Variants in TRIM37 observed in about 807,000 individuals in gnomAD.
The protein encoded by TRIM37 is tripartite motif containing 37.
Under a neutral mutation model 129.8 loss-of-function variants are expected in TRIM37, and 80 were observed. That is an observed-to-expected ratio of 0.62 (90% CI 0.51 to 0.74). TRIM37 has a LOEUF of 0.74. TRIM37 is among the 30% of genes least tolerant of loss of function. TRIM37 has a pLI of 0.00. For missense variants in TRIM37, 1,054 were observed against 1,176.5 expected, an observed-to-expected ratio of 0.90 and a Z score of 1.52; for synonymous variants, 389 against 387.1, an observed-to-expected ratio of 1.00 and a Z score of -0.06.
downstream of TRIM37, among the ~76,000 whole-genome samples, chr17:58,996,091 G>T (rs1386262608): frequency 6.6e-6 from 1 of 152,008 alleles, no homozygotes; most frequent in East Asian, 1.9e-4. Flanking sequence ...TTACAAAGGG[G>T]GAAAACGTAA....
chr17:59,031,138 G>A (rs964422348), intron 18 of TRIM37, among the ~76,000 whole-genome samples: 1 of 152,146 alleles, frequency 6.6e-6, no homozygotes, highest in African/African-American at 2.4e-5. Flanking sequence ...CAGAGGTTCT[G>A]CCTTGGACTT....
intron 16 of TRIM37, among the ~76,000 whole-genome samples, chr17:59,044,286 G>A (rs913852284): frequency 6.6e-6 from 1 of 152,140 alleles, no homozygotes; most frequent in Non-Finnish European, 1.5e-5. Flanking sequence ...CTCCAGCTTG[G>A]GTGACAGGGC....
chr17:59,001,521 CAG>C, intron 23 of TRIM37, 75 bp downstream of exon 23: 1 of 1,572,838 alleles, frequency 6.4e-7, no homozygotes, highest in Non-Finnish European at 8.7e-7. Flanking sequence ...GTAGAAGTAG[CAG>C]CAGCAGAAGA....
intron 5 of TRIM37, among the ~76,000 whole-genome samples, chr17:59,081,964 A>AAAAAAAAAAATAAT (rs1568200247): frequency 1.1e-5 from 1 of 87,224 alleles, no homozygotes; most frequent in African/African-American, 5.1e-5. Context: ...AAAAAAAAAA[A>AAAAAAAAAAATAAT]AATAATAATA....
At chr17:59,105,060 C>G (rs879696559) in intron 1 of TRIM37, among the ~76,000 whole-genome samples, 2 of 141,426 alleles carry the variant, frequency 1.4e-5, no homozygotes, top group Non-Finnish European at 3.0e-5. Flanking sequence ...CCACTGCACT[C>G]TAGCCTGGGT....
In TRIM37 at chr17:59,031,955, C is replaced by G; in HGVS notation, c.1889G>C (p.Ser630Thr). ...IHLLDLKDRS[S>T]IENLWGLQPR... ...CTGTAAGCCCCACAAATTTTCTATA[C>G]TGCTCCGGTCCTTAAGGTCCAACAA... The change falls in exon 18 of 24, where the codon AGT becomes ACT. Residue 630 changes from serine (S) to threonine (T), a missense_variant. This residue lies in a region of TRIM37 where 752 missense variants were observed against 870.8 expected (regional missense o/e 0.86). Coordinates refer to ENST00000262294, the MANE Select transcript of TRIM37 (RefSeq NM_015294.6). 1 of 1,614,160 alleles carries G rather than the reference C, an allele frequency of 6.2e-7. No individual in the cohort carries two copies. Among genetic ancestry groups the G allele is most frequent in the East Asian group, 2.2e-5 (1 of 44,894 alleles).
chr17:59,071,085 A>G, intron 8 of TRIM37, 138 bp from the exon 9 acceptor site: 1 of 970,950 alleles, frequency 1.0e-6, no homozygotes, highest in South Asian at 1.7e-5. Context: ...TTGAGAATTA[A>G]GAATGTACAA....
chr17:59,099,960 G>C (rs2045307993), intron 2 of TRIM37, among the ~76,000 whole-genome samples: 1 of 152,028 alleles, frequency 6.6e-6, no homozygotes, highest in African/African-American at 2.4e-5. Flanking sequence ...TGTACCACCA[G>C]GCCTGGCTAA....
chr17:59,043,883 A>G (rs780424455), intron 16 of TRIM37, among the ~76,000 whole-genome samples: 3 of 152,242 alleles, frequency 2.0e-5, no homozygotes, highest in African/African-American at 4.8e-5. Context: ...GGGGAGAAGC[A>G]GAGACACATA....
At chr17:59,104,923 C>T (rs1300168128) in intron 1 of TRIM37, among the ~76,000 whole-genome samples, 5 of 152,026 alleles carry the variant, frequency 3.3e-5, no homozygotes, top group South Asian at 4.2e-4. Context: ...TAAACCCCGT[C>T]TCTACTAAAA....
intron 21 of TRIM37, among the ~76,000 whole-genome samples, chr17:59,014,757 T>C (rs2035696842): frequency 6.9e-6 from 1 of 145,036 alleles, no homozygotes. Flanking sequence ...CGCCAACACA[T>C]ACAAATTTAC....
chr17:58,996,195 G>A (rs530651901), downstream of TRIM37, among the ~76,000 whole-genome samples: 36 of 152,120 alleles, frequency 2.4e-4, no homozygotes, highest in Non-Finnish European at 3.7e-4. Context: ...AGGGCTGGGC[G>A]GGCACAGTGG....
the TRIM37 span, among the ~76,000 whole-genome samples, chr17:58,970,964 GTGTTGT>G: frequency 1.3e-5 from 2 of 151,688 alleles, no homozygotes; most frequent in African/African-American, 4.8e-5. Flanking sequence ...TCAAAATTAT[GTGTTGT>G]TGTTGTTGTT....
rs554538615 is a variant in TRIM37 at position 59,071,961 on chromosome 17, G to A, written c.685-1014C>T. Among the ~76,000 whole-genome samples, 3 of 152,290 alleles carry A rather than the reference G, an allele frequency of 2.0e-5. No homozygotes were observed. In the East Asian group the frequency reaches 5.8e-4, roughly 29 times the overall value. ...AAGCTTTGTAAACTATCTGTTATGT[G>A]CTGAATTTTGTGCCCCTTTCCTCCA... is the stretch of plus-strand genomic sequence containing the variant. On this transcript the variant is annotated intron_variant, in intron 8 of 23. Coordinates refer to ENST00000262294, the MANE Select transcript of TRIM37 (RefSeq NM_015294.6).
At chr17:59,056,754 A>G (rs1412640583) in intron 13 of TRIM37, 121 bp downstream of exon 13, 1 of 383,958 alleles carries the variant, frequency 2.6e-6, no homozygotes, top group South Asian at 2.6e-5. Flanking sequence ...AAAAGGTGAT[A>G]AGGTTATAGT....
At chr17:59,074,599 G>A (rs765409907) in intron 8 of TRIM37, among the ~76,000 whole-genome samples, 1 of 152,300 alleles carries the variant, frequency 6.6e-6, no homozygotes, top group South Asian at 2.1e-4. Flanking sequence ...TGAGGGAAGT[G>A]TGATGTTAAA....
intron 7 of TRIM37, among the ~76,000 whole-genome samples, chr17:59,077,893 G>A (rs565717197): frequency 7.3e-5 from 11 of 150,958 alleles, no homozygotes; most frequent in African/African-American, 2.4e-4. Flanking sequence ...GGAGGCGGAG[G>A]TGGGTGGATC....
At chr17:59,070,706 T>C (rs962789904) in intron 9 of TRIM37, 117 bp downstream of exon 9, 1 of 1,166,706 alleles carries the variant, frequency 8.6e-7, no homozygotes, top group Admixed American at 2.3e-5. Context: ...TGAGACCCTA[T>C]CTATAAAAGA....
chr17:59,025,623 C>T (rs573000255), intron 19 of TRIM37, among the ~76,000 whole-genome samples: 37 of 152,116 alleles, frequency 2.4e-4, no homozygotes, highest in Non-Finnish European at 4.3e-4. Flanking sequence ...CCTGCAGAAC[C>T]CACCTATACG....
Sources: gnomAD v4.1 joint callset for allele counts (sites outside exome capture counted in the v4.1 genomes callset) on GRCh38, gnomAD v4.1.1 for gene constraint, gnomAD v4.1.1 regional missense constraint, MANE v1.5 for transcripts, NCBI Gene and HGNC (gene_info 2026-07-23, HGNC 2026-07-21) for gene names.